Variants in DHRSX observed in about 807,000 individuals in gnomAD.
DHRSX encodes the protein polyprenol dehydrogenase.
A neutral mutation model predicts 34.0 loss-of-function variants in DHRSX; 31 were observed. That is an observed-to-expected ratio of 0.91 (90% CI 0.69 to 1.23). The LOEUF (loss-of-function observed/expected upper bound fraction) is 1.23, where lower values mean the gene tolerates loss of function less well. DHRSX is among the 50% of genes most tolerant of loss of function. DHRSX has a pLI of 0.00. For missense variants in DHRSX, 414 were observed against 428.1 expected, an observed-to-expected ratio of 0.97 and a Z score of 0.29; for synonymous variants, 201 against 183.8, an observed-to-expected ratio of 1.09 and a Z score of -0.76.
intron 3 of DHRSX, among the ~76,000 whole-genome samples, chrX:2,294,319 AGATCACGT>A (rs2041904202): frequency 6.6e-6 from 1 of 152,036 alleles, no homozygotes; most frequent in African/African-American, 2.4e-5. Flanking sequence ...GAAGGCAGGC[AGATCACGT>A]GAGGTCAGGA....
intron 3 of DHRSX, among the ~76,000 whole-genome samples, chrX:2,297,632 A>G (rs1377444592): frequency 1.3e-5 from 2 of 152,142 alleles, no homozygotes; most frequent in East Asian, 3.9e-4. Flanking sequence ...TTTGTTTGTT[A>G]GCTTTTATAG....
chrX:2,223,376 T>C (rs1473606241), intron 6 of DHRSX, among the ~76,000 whole-genome samples: 1 of 152,176 alleles, frequency 6.6e-6, no homozygotes, highest in Non-Finnish European at 1.5e-5. Context: ...CCCAGCCACA[T>C]GGAACTGAGT....
At chrX:2,419,375 T>G (rs926760106) in intron 2 of DHRSX, among the ~76,000 whole-genome samples, 36 of 152,242 alleles carry the variant, frequency 2.4e-4, no homozygotes, top group Non-Finnish European at 4.6e-4. Flanking sequence ...TGTAGGACAA[T>G]AAGTTTCTAT....
At chrX:2,489,274 C>T (rs1218397138) in intron 1 of DHRSX, 1 of 1,613,984 alleles carries the variant, frequency 6.2e-7, no homozygotes, top group Non-Finnish European at 8.5e-7. Context: ...AGAGGAAGGG[C>T]AGCCTCTTGT....
At chrX:2,431,616 GC>G (rs1435606152) in intron 1 of DHRSX, among the ~76,000 whole-genome samples, 1 of 152,168 alleles carries the variant, frequency 6.6e-6, no homozygotes, top group Non-Finnish European at 1.5e-5. Context: ...CAATATAGAT[GC>G]AAGAGGAGGC....
Position 2,403,814 on chromosome X carries a change from C to T in DHRSX, c.286+4931G>A, listed in dbSNP as rs145629292. On this transcript the variant is annotated intron_variant, in intron 3 of 6. Coordinates refer to ENST00000334651, the MANE Select transcript of DHRSX (RefSeq NM_145177.3). Reference sequence around the variant, plus strand: ...GAGGTTGCAGTGAGCCGAGATCACACCACTGCATTCTAACGTGGGCAACAA... The same window carrying T: ...GAGGTTGCAGTGAGCCGAGATCACATCACTGCATTCTAACGTGGGCAACAA... 3.6e-3 allele frequency among the ~76,000 whole-genome samples: 548 copies of T among 151,136 alleles called. 4 individuals are homozygous for T. The highest frequency in any genetic ancestry group is 0.013 in the African/African-American group (534 of 41,030).
chrX:2,429,766 A>G (rs182957961), intron 1 of DHRSX, among the ~76,000 whole-genome samples: 33 of 152,134 alleles, frequency 2.2e-4, no homozygotes, highest in African/African-American at 7.9e-4. Context: ...GCTACTGGAG[A>G]TCTTATCCAA....
intron 1 of DHRSX, among the ~76,000 whole-genome samples, chrX:2,440,834 G>A (rs752577442): frequency 1.2e-3 from 182 of 152,194 alleles, no homozygotes; most frequent in African/African-American, 4.0e-3. Flanking sequence ...CCTTGTGATC[G>A]TGTGAGTCAA....
At chrX:2,357,183 G>A (rs1248370090) in intron 3 of DHRSX, among the ~76,000 whole-genome samples, 2 of 152,114 alleles carry the variant, frequency 1.3e-5, no homozygotes, top group Non-Finnish European at 2.9e-5. Context: ...GGCGGAGATT[G>A]CAGTGAGCTA....
chrX:2,479,841 C>G (rs957374463), intron 1 of DHRSX, among the ~76,000 whole-genome samples: 1 of 151,936 alleles, frequency 6.6e-6, no homozygotes. Flanking sequence ...AAGACATTCC[C>G]TAAGAATGTG....
chrX:2,291,737 G>A, intron 3 of DHRSX, 134 bp from the exon 4 acceptor site: 1 of 687,874 alleles, frequency 1.5e-6, no homozygotes, highest in Non-Finnish European at 2.6e-6. Flanking sequence ...TTTTTGAGAT[G>A]GAGTCTCGCT....
intron 5 of DHRSX, among the ~76,000 whole-genome samples, chrX:2,264,051 C>T (rs1194074527): frequency 2.0e-5 from 3 of 152,228 alleles, no homozygotes; most frequent in Non-Finnish European, 4.4e-5. Context: ...CTATGTCTCA[C>T]CTCTGTGTTT....
At chrX:2,500,664 C>CACCCCCGGCCACACTCCG (rs2045403124) in intron 1 of DHRSX, 153 bp downstream of exon 1, 1 of 129,836 alleles carries the variant, frequency 7.7e-6, no homozygotes, top group African/African-American at 2.9e-5. Context: ...GCCCCCCCCC[C>CACCCCCGGCCACACTCCG]ACCCCCGGCC....
At chrX:2,313,905 TG>T (rs1464677759) in intron 3 of DHRSX, among the ~76,000 whole-genome samples, 1 of 151,948 alleles carries the variant, frequency 6.6e-6, no homozygotes, top group African/African-American at 2.4e-5. Flanking sequence ...CAACTCAACC[TG>T]GGGGCTGCCA....
intron 5 of DHRSX, among the ~76,000 whole-genome samples, chrX:2,264,789 G>A (rs2041421201): frequency 3.9e-5 from 6 of 151,928 alleles, no homozygotes; most frequent in African/African-American, 7.3e-5. Flanking sequence ...AGCAGACACA[G>A]GGAGCACCGT....
intron 3 of DHRSX, among the ~76,000 whole-genome samples, chrX:2,365,429 C>T (rs1310507204): frequency 4.6e-5 from 7 of 152,098 alleles, no homozygotes; most frequent in African/African-American, 1.4e-4. Context: ...TGTGAGCCAC[C>T]GTGCCTGGCC....
rs1356694621 is a variant in DHRSX, at chrX:2,457,097, G to A, written c.110-31793C>T. On this transcript the variant is annotated intron_variant, in intron 1 of 6. Coordinates refer to ENST00000334651, the MANE Select transcript of DHRSX (RefSeq NM_145177.3). Reference sequence around the variant, plus strand: ...ATTCCACATGATAGAGACACCCAATGAAGAAATAAAAGCAGCTTACAGGGA... The same window carrying A: ...ATTCCACATGATAGAGACACCCAATAAAGAAATAAAAGCAGCTTACAGGGA... Among the ~76,000 whole-genome samples the A allele has an allele frequency of 3.9e-5, 6 of 152,144 alleles. No individual in the cohort carries two copies. The East Asian group carries it at 1.2e-3, about 29-fold the overall frequency.
intron 3 of DHRSX, among the ~76,000 whole-genome samples, chrX:2,326,348 C>A (rs1405532856): frequency 5.3e-5 from 8 of 152,066 alleles, no homozygotes; most frequent in Admixed American, 2.6e-4. Flanking sequence ...CATAGTGAAA[C>A]CCCGTCTCTA....
chrX:2,445,283 T>C (rs1250147085), intron 1 of DHRSX, among the ~76,000 whole-genome samples: 1 of 152,156 alleles, frequency 6.6e-6, no homozygotes, highest in Non-Finnish European at 1.5e-5. Flanking sequence ...AAAGGTGGGC[T>C]TTCCCAGGAA....
Sources: allele counts gnomAD v4.1 joint callset (sites outside exome capture counted in the v4.1 genomes callset), GRCh38; gene constraint gnomAD v4.1.1; transcripts MANE v1.5; gene names NCBI Gene and HGNC (gene_info 2026-07-23, HGNC 2026-07-21).